The following SLC22A15 variants were observed in gnomAD, a reference collection of about 807,000 sequenced individuals.
SLC22A15 encodes flipt 1.
Under a neutral mutation model 62.7 loss-of-function variants are expected in SLC22A15, and 45 were observed. The ratio of observed to expected loss-of-function variants is 0.72; its 90% CI spans 0.56 to 0.92. SLC22A15 has a LOEUF of 0.92. SLC22A15 is among the 40% of genes least tolerant of loss of function. The pLI, the probability that SLC22A15 is intolerant of heterozygous loss-of-function variation, is 0.00. For missense variants in SLC22A15, 622 were observed against 665.6 expected, an observed-to-expected ratio of 0.93 and a Z score of 0.72; for synonymous variants, 264 against 267.0, an observed-to-expected ratio of 0.99 and a Z score of 0.11.
At chr1:115,991,889 G>T in intron 1 of SLC22A15, 142 bp from the exon 2 acceptor site, 3 of 668,742 alleles carry the variant, frequency 4.5e-6, no homozygotes, top group Non-Finnish European at 7.6e-6. Flanking sequence ...TTTTTCCTTT[G>T]TTTCTGATGT....
At position 116,035,307 on chromosome 1, in the gene SLC22A15, C is replaced by T. The variant is rs1430517677; in HGVS notation, c.1065C>T (p.Ile355=). 2.5e-6 allele frequency: 4 copies of T among 1,612,416 alleles called. No homozygotes were observed. The highest frequency in any genetic ancestry group is 1.1e-5 in the South Asian group (1 of 90,800). Residue 355 remains isoleucine (I), a synonymous_variant, in exon 7 of 12, where the codon ATC becomes ATT. Transcript: ENST00000369503. The part of the protein sequence containing the change: ...LIEIPSYPLC[I]YLINQKWFGR... ...AGATTCCATCTTACCCTCTCTGTAT[C>T]TACTTGATTAACCAAAAATGGTGAG...
At position 116,066,551 on chromosome 1, in the gene SLC22A15, T is replaced by C. The variant is rs1350519820; in HGVS notation, c.1397T>C (p.Val466Ala). The C allele has an allele frequency of 2.1e-5, 34 of 1,606,548 alleles. No homozygotes were observed. The highest frequency in any genetic ancestry group is 2.9e-5 in the Non-Finnish European group (34 of 1,176,412). Reference protein sequence around the residue: ...KYVQWSLPFIVFGATGLTSGL... With the variant: ...KYVQWSLPFIAFGATGLTSGL... ...GTGCAATGGTCTTTACCATTCATTG[T>C]CTTCGGAGCCACGGGTCTGACCTCC... Residue 466 changes from valine (V) to alanine (A), a missense_variant, in exon 11 of 12, where the codon GTC becomes GCC. By Grantham distance (64) the Val-to-Ala change is moderately conservative (BLOSUM62 0). Transcript: ENST00000369503.
intron 2 of SLC22A15, among the ~76,000 whole-genome samples, chr1:116,006,491 C>A (rs1416347634): frequency 6.6e-6 from 1 of 152,182 alleles, no homozygotes; most frequent in Non-Finnish European, 1.5e-5. Flanking sequence ...TAAAGCAGCT[C>A]TGAGAGGAAA....
intron 2 of SLC22A15, among the ~76,000 whole-genome samples, chr1:116,009,883 A>C (rs1235038270): frequency 6.6e-6 from 1 of 152,242 alleles, no homozygotes; most frequent in Admixed American, 6.5e-5. Context: ...TGGAAGATAA[A>C]TATTAAGAGA....
intron 8 of SLC22A15, among the ~76,000 whole-genome samples, chr1:116,059,218 A>G (rs1459961690): frequency 6.6e-6 from 1 of 152,198 alleles, no homozygotes; most frequent in East Asian, 1.9e-4. Context: ...TGTAACTCAT[A>G]TACATTGCTA....
intron 8 of SLC22A15, among the ~76,000 whole-genome samples, chr1:116,056,266 ACAAT>A (rs1294188040): frequency 1.3e-5 from 2 of 150,852 alleles, no homozygotes; most frequent in Non-Finnish European, 2.9e-5. Context: ...CCAATAACAG[ACAAT>A]CAGAGAGCCA....
At chr1:116,042,220 A>G (rs1657807493) in intron 8 of SLC22A15, among the ~76,000 whole-genome samples, 1 of 151,918 alleles carries the variant, frequency 6.6e-6, no homozygotes. Context: ...AAATGCACAG[A>G]TGATAGAATT....
chr1:116,044,338 G>T (rs986405771), intron 8 of SLC22A15, among the ~76,000 whole-genome samples: 1 of 152,206 alleles, frequency 6.6e-6, no homozygotes. Context: ...TTTGGCTTAC[G>T]CCTGTAATCC....
intron 9 of SLC22A15, among the ~76,000 whole-genome samples, chr1:116,063,226 G>A (rs1658424348): frequency 6.6e-6 from 1 of 152,094 alleles, no homozygotes; most frequent in East Asian, 1.9e-4. Context: ...TCACAGACAT[G>A]GGGACAAGCT....
chr1:116,051,985 T>C (rs974691877), intron 8 of SLC22A15, among the ~76,000 whole-genome samples: 4 of 152,106 alleles, frequency 2.6e-5, no homozygotes, highest in Non-Finnish European at 4.4e-5. Flanking sequence ...ACGCAGAAGA[T>C]GGGTGATTTC....
intron 8 of SLC22A15, among the ~76,000 whole-genome samples, chr1:116,055,536 T>A (rs1658178266): frequency 6.7e-6 from 1 of 148,342 alleles, no homozygotes; most frequent in African/African-American, 2.5e-5. Context: ...AAAGAGGGAA[T>A]CCTCCTTAAG....
chr1:116,023,881 C>A (rs1482837980), intron 4 of SLC22A15, among the ~76,000 whole-genome samples: 1 of 152,142 alleles, frequency 6.6e-6, no homozygotes, highest in Admixed American at 6.5e-5. Flanking sequence ...GGCAAAGACC[C>A]AGGCCTTGAA....
intron 8 of SLC22A15, among the ~76,000 whole-genome samples, chr1:116,040,511 A>G (rs1657749240): frequency 6.6e-6 from 1 of 152,238 alleles, no homozygotes; most frequent in African/African-American, 2.4e-5. Flanking sequence ...CAACACGTCC[A>G]AGGTTGCATA....
At chr1:115,980,058 T>C (rs1359628669) in intron 1 of SLC22A15, among the ~76,000 whole-genome samples, 2 of 151,828 alleles carry the variant, frequency 1.3e-5, no homozygotes, top group Non-Finnish European at 2.9e-5. Flanking sequence ...ATATTATCCA[T>C]GCAATAAATA....
At chr1:116,009,954 A>G (rs1197810211) in intron 2 of SLC22A15, among the ~76,000 whole-genome samples, 3 of 152,206 alleles carry the variant, frequency 2.0e-5, no homozygotes, top group African/African-American at 4.8e-5. Flanking sequence ...TTTAACGTCT[A>G]CCCTGCACCT....
chr1:116,059,053 A>T (rs574985265), intron 8 of SLC22A15, among the ~76,000 whole-genome samples: 1 of 152,188 alleles, frequency 6.6e-6, no homozygotes, highest in African/African-American at 2.4e-5. Flanking sequence ...AATCACCACT[A>T]AAGAACTTAC....
At chr1:116,027,333 G>A (rs1189495467) in intron 5 of SLC22A15, 1 of 536,052 alleles carries the variant, frequency 1.9e-6, no homozygotes, top group African/African-American at 1.9e-5. Flanking sequence ...CTTCAGACTG[G>A]ATCACATTAT....
At chr1:116,017,225 C>T (rs1206020722) in intron 2 of SLC22A15, among the ~76,000 whole-genome samples, 1 of 151,824 alleles carries the variant, frequency 6.6e-6, no homozygotes, top group Non-Finnish European at 1.5e-5. Flanking sequence ...CTCCCCTGAA[C>T]CACGTATTTA....
intron 6 of SLC22A15, among the ~76,000 whole-genome samples, chr1:116,033,213 T>C (rs1305120494): frequency 6.6e-6 from 1 of 152,214 alleles, no homozygotes. Context: ...AAACATCTGT[T>C]CCTTTAGTTA....
Sources: allele counts gnomAD v4.1 joint callset (sites outside exome capture counted in the v4.1 genomes callset), GRCh38; gene constraint gnomAD v4.1.1; transcripts MANE v1.5; gene names NCBI Gene and HGNC (gene_info 2026-07-23, HGNC 2026-07-21).